ORC3: variants seen among roughly 807,000 people sequenced by gnomAD.
ORC3 encodes origin recognition complex subunit 3, also known as homolog of latheo, Drosophila.
A neutral mutation model predicts 100.7 loss-of-function variants in ORC3; 78 were observed. The observed-to-expected ratio is 0.77, with a 90% CI of 0.65 to 0.94. ORC3 has a LOEUF of 0.94. Among genes scored for constraint, ORC3 ranks in the 40% least tolerant of loss-of-function variants. The pLI is 0.00. For synonymous variants in ORC3, 295 were observed against 289.3 expected, an observed-to-expected ratio of 1.02 and a Z score of -0.20; for missense variants, 789 against 823.9, an observed-to-expected ratio of 0.96 and a Z score of 0.52.
At chr6:87,672,070 G>A (rs183936740), downstream of ORC3, among the ~76,000 whole-genome samples, 2 of 152,274 alleles carry the variant, frequency 1.3e-5, no homozygotes, top group Non-Finnish European at 2.9e-5. Flanking sequence ...TAATTGAATC[G>A]TGTTTGGGGG....
intron 6 of ORC3, among the ~76,000 whole-genome samples, chr6:87,608,822 C>T (rs1778530671): frequency 6.6e-6 from 1 of 152,110 alleles, no homozygotes; most frequent in Non-Finnish European, 1.5e-5. Flanking sequence ...AAAATTTCCT[C>T]TTCCATGTTT....
intron 13 of ORC3, among the ~76,000 whole-genome samples, chr6:87,647,825 A>G (rs568013826): frequency 3.0e-4 from 45 of 152,352 alleles, no homozygotes; most frequent in Non-Finnish European, 6.0e-4. Context: ...TTGAGGTGCT[A>G]TATATAAACA....
intron 2 of ORC3, among the ~76,000 whole-genome samples, chr6:87,600,941 A>C (rs921678175): frequency 3.3e-5 from 5 of 152,236 alleles, no homozygotes; most frequent in Non-Finnish European, 7.3e-5. Flanking sequence ...ATAGTTTGAA[A>C]AGTTTGAAAG....
intron 13 of ORC3, among the ~76,000 whole-genome samples, chr6:87,644,634 G>C (rs1416323544): frequency 3.3e-5 from 5 of 151,958 alleles, no homozygotes; most frequent in African/African-American, 1.2e-4. Context: ...TCGGGAGGTG[G>C]AGGTTGCAGG....
At chr6:87,645,989 T>TC (rs1400876861) in intron 13 of ORC3, among the ~76,000 whole-genome samples, 6 of 145,164 alleles carry the variant, frequency 4.1e-5, no homozygotes, top group African/African-American at 1.6e-4. Flanking sequence ...TTTTTCTTTT[T>TC]TTTTTCTTTT....
chr6:87,623,036 A>G (rs762640224), intron 11 of ORC3, among the ~76,000 whole-genome samples: 12 of 152,162 alleles, frequency 7.9e-5, no homozygotes, highest in Non-Finnish European at 1.5e-4. Flanking sequence ...GAGTTTTGGT[A>G]ATACATACGA....
chr6:87,658,132 A>T (rs952365841), intron 16 of ORC3, 114 bp downstream of exon 16: 2 of 601,586 alleles, frequency 3.3e-6, no homozygotes, highest in Admixed American at 2.8e-5. Flanking sequence ...GTTAGGCTTT[A>T]TGCTTTTCAG....
At chr6:87,664,610 C>T (rs1353875983) in intron 17 of ORC3, 133 bp from the exon 18 acceptor site, 10 of 673,252 alleles carry the variant, frequency 1.5e-5, no homozygotes, top group East Asian at 2.7e-5. Context: ...TGAATAGACT[C>T]ACTCACTAAA....
chr6:87,640,378 C>T (rs1768152553), intron 13 of ORC3, among the ~76,000 whole-genome samples: 1 of 152,134 alleles, frequency 6.6e-6, no homozygotes, highest in South Asian at 2.1e-4. Context: ...AACAGACATT[C>T]ATGTGTGTGG....
intron 13 of ORC3, among the ~76,000 whole-genome samples, chr6:87,652,830 A>G (rs894973608): frequency 6.6e-6 from 1 of 152,234 alleles, no homozygotes; most frequent in Non-Finnish European, 1.5e-5. Context: ...AGGATCAGAG[A>G]TGTATAATAA....
downstream of ORC3, among the ~76,000 whole-genome samples, chr6:87,668,614 A>G (rs1241868368): frequency 1.3e-5 from 2 of 152,200 alleles, no homozygotes; most frequent in East Asian, 3.8e-4. Context: ...GACCTCTGGC[A>G]GCGTGGTGGG....
rs955286108 is a variant in ORC3 at position 87,636,259 on chromosome 6, C to T, written c.1303-148C>T. ...AAATTGCATTCTTATAAAGCCTGAT[C>T]CATGAGATATATGCCAAGTCTATTA... is the stretch of plus-strand genomic sequence containing the variant. On this transcript the variant is annotated intron_variant, in intron 12 of 19. Coordinates refer to ENST00000392844, the MANE Select transcript of ORC3 (RefSeq NM_012381.4). 9 of 579,212 alleles carry T rather than the reference C, an allele frequency of 1.6e-5. No individual in the cohort carries two copies. The Admixed American group carries it at 3.0e-4, about 19-fold the overall frequency. 35.9% of individuals were successfully genotyped at this position (579,212 alleles called of 1,614,324 possible). A position where few individuals can be genotyped will look rare whatever the true frequency, so the allele number is the denominator to read the frequency against.
At chr6:87,643,326 G>A (rs1467682677) in intron 13 of ORC3, among the ~76,000 whole-genome samples, 1 of 151,376 alleles carries the variant, frequency 6.6e-6, no homozygotes, top group Non-Finnish European at 1.5e-5. Flanking sequence ...GCAGGAATTT[G>A]CATTTAACAA....
intron 1 of ORC3, among the ~76,000 whole-genome samples, chr6:87,592,002 A>G (rs2128241481): frequency 6.6e-6 from 1 of 152,330 alleles, no homozygotes; most frequent in East Asian, 1.9e-4. Flanking sequence ...AAGTGCTAGG[A>G]TTACAGGCGT....
At chr6:87,659,027 G>GC (rs1554254491) in intron 16 of ORC3, among the ~76,000 whole-genome samples, 1 of 140,156 alleles carries the variant, frequency 7.1e-6, no homozygotes, top group Non-Finnish European at 1.6e-5. Context: ...TGGGGCGGGG[G>GC]GGGGAGAACC....
intron 13 of ORC3, among the ~76,000 whole-genome samples, chr6:87,648,050 A>C (rs1347696755): frequency 2.0e-5 from 3 of 152,092 alleles, no homozygotes; most frequent in South Asian, 4.1e-4. Context: ...AAATACAAAA[A>C]ATTAGCCAGG....
chr6:87,619,910 G>A (rs117841655), intron 9 of ORC3, among the ~76,000 whole-genome samples: 2,013 of 152,242 alleles, frequency 0.013, 21 homozygotes, highest in South Asian at 0.037. Context: ...TGCCCAGGCT[G>A]GTCTCAAACT....
At chr6:87,641,006 G>T (rs1768206849) in intron 13 of ORC3, among the ~76,000 whole-genome samples, 1 of 152,208 alleles carries the variant, frequency 6.6e-6, no homozygotes, top group South Asian at 2.1e-4. Flanking sequence ...CTACTCGGGA[G>T]GCTGAGGCAG....
In ORC3 at chr6:87,656,974, C is replaced by T. The variant is rs1424613858; in HGVS notation, c.1585C>T (p.Leu529Phe). 5 of 1,605,848 alleles carry T rather than the reference C, an allele frequency of 3.1e-6. No homozygotes were observed. The South Asian group carries it at 5.5e-5, about 18-fold the overall frequency. Residue 529 changes from leucine to phenylalanine, a missense_variant, in exon 15 of 20, where the codon CTT becomes TTT. Around this residue, in one of 3 missense-constraint regions of ORC3, gnomAD observed 366 missense variants for 394.2 expected, o/e 0.93. Coordinates refer to ENST00000392844, the MANE Select transcript of ORC3 (RefSeq NM_012381.4). ...GCTTCAGAAGACAGACCTCTATCAT[C>T]TTCAGAAGGTCAGGTCACTCTCTTC... is the stretch of plus-strand genomic sequence containing the variant. ...KGLQKTDLYH[L>F]QKSLLEMKEL...
Sources: gnomAD v4.1 joint callset for allele counts (sites outside exome capture counted in the v4.1 genomes callset) on GRCh38, gnomAD v4.1.1 for gene constraint, gnomAD v4.1.1 regional missense constraint, MANE v1.5 for transcripts, NCBI Gene and HGNC (gene_info 2026-07-23, HGNC 2026-07-21) for gene names.